Variants in CCSER1 observed in about 807,000 individuals in gnomAD.
The protein encoded by CCSER1 is serine-rich coiled-coil domain-containing protein 1.
A neutral mutation model predicts 82.0 loss-of-function variants in CCSER1; 41 were observed. The observed-to-expected ratio is 0.50, with a 90% CI of 0.39 to 0.65. The LOEUF (loss-of-function observed/expected upper bound fraction) is 0.65, where lower values mean the gene tolerates loss of function less well. Among genes scored for constraint, CCSER1 ranks in the 30% least tolerant of loss-of-function variants. The pLI is 0.00. For missense variants in CCSER1, 1,119 were observed against 1,064.2 expected, an observed-to-expected ratio of 1.05 and a Z score of -0.72; for synonymous variants, 414 against 383.9, an observed-to-expected ratio of 1.08 and a Z score of -0.92.
chr4:91,196,178 CAAAAAAAAAAA>C (rs61336014), intron 10 of CCSER1, among the ~76,000 whole-genome samples: 1 of 60,824 alleles, frequency 1.6e-5, no homozygotes, highest in Non-Finnish European at 4.3e-5. Flanking sequence ...AACAGCGAGA[CAAAAAAAAAAA>C]AAAAAAAAGA....
chr4:90,583,903 T>G (rs1300144338), intron 5 of CCSER1, among the ~76,000 whole-genome samples: 2 of 152,150 alleles, frequency 1.3e-5, no homozygotes, highest in African/African-American at 2.4e-5. Flanking sequence ...TATGCAGCAA[T>G]TTAATTTTAA....
At chr4:90,971,384 A>G (rs1443521025) in intron 9 of CCSER1, among the ~76,000 whole-genome samples, 7 of 151,956 alleles carry the variant, frequency 4.6e-5, no homozygotes, top group Non-Finnish European at 1.0e-4. Flanking sequence ...TCACAAGAAT[A>G]GCAAGGGAGA....
intron 10 of CCSER1, among the ~76,000 whole-genome samples, chr4:91,503,643 CCCGG>C (rs1759337382): frequency 1.2e-4 from 18 of 151,990 alleles, no homozygotes; most frequent in Admixed American, 1.2e-3. Context: ...TACTCATAAG[CCCGG>C]AACACAAAGG....
chr4:91,530,295 C>T (rs925156294), intron 10 of CCSER1, among the ~76,000 whole-genome samples: 4 of 151,906 alleles, frequency 2.6e-5, no homozygotes, highest in African/African-American at 7.2e-5. Context: ...ATTTAGATTA[C>T]ATTTATATAG....
At chr4:91,148,293 T>G (rs1202079419) in intron 10 of CCSER1, among the ~76,000 whole-genome samples, 1 of 152,162 alleles carries the variant, frequency 6.6e-6, no homozygotes, top group East Asian at 1.9e-4. Flanking sequence ...GACTCATTTA[T>G]TCATTGAACA....
intron 10 of CCSER1, among the ~76,000 whole-genome samples, chr4:91,293,511 T>C (rs563677571): frequency 6.6e-6 from 1 of 152,138 alleles, no homozygotes. Flanking sequence ...ACCACTGCTT[T>C]TGTTTCAATT....
At chr4:90,426,817 A>G (rs1280526576) in intron 4 of CCSER1, among the ~76,000 whole-genome samples, 4 of 152,118 alleles carry the variant, frequency 2.6e-5, no homozygotes, top group African/African-American at 4.8e-5. Flanking sequence ...TGATAGCTCT[A>G]TGAATTGGGA....
intron 10 of CCSER1, among the ~76,000 whole-genome samples, chr4:91,533,435 T>A (rs957075605): frequency 1.3e-5 from 2 of 152,178 alleles, no homozygotes; most frequent in African/African-American, 4.8e-5. Flanking sequence ...TGGAGTTTCT[T>A]CTTTATCCTT....
chr4:90,533,398 C>T (rs1341018175), intron 5 of CCSER1, among the ~76,000 whole-genome samples: 3 of 152,134 alleles, frequency 2.0e-5, no homozygotes, highest in African/African-American at 2.4e-5. Context: ...CCTGGCCTCT[C>T]TCTGTTTTAT....
intron 9 of CCSER1, among the ~76,000 whole-genome samples, chr4:90,998,888 C>T (rs901147237): frequency 2.8e-4 from 43 of 152,256 alleles, no homozygotes; most frequent in African/African-American, 1.0e-3. Flanking sequence ...TCCCTCCCTC[C>T]CTCCATGCCC....
At chr4:90,586,835 A>C (rs750374640) in intron 5 of CCSER1, among the ~76,000 whole-genome samples, 1 of 152,238 alleles carries the variant, frequency 6.6e-6, no homozygotes, top group Non-Finnish European at 1.5e-5. Context: ...TGCTGATATG[A>C]TGCTGTAGTA....
At chr4:91,105,298 C>T (rs906773754) in intron 10 of CCSER1, among the ~76,000 whole-genome samples, 1 of 151,772 alleles carries the variant, frequency 6.6e-6, no homozygotes, top group Non-Finnish European at 1.5e-5. Context: ...CTGTTTCCCT[C>T]AAAAAAAGGG....
chr4:90,555,494 G>T (rs1296010599), intron 5 of CCSER1, among the ~76,000 whole-genome samples: 1 of 152,060 alleles, frequency 6.6e-6, no homozygotes, highest in South Asian at 2.1e-4. Context: ...TTTGCTATTT[G>T]TGATTAAATT....
chr4:90,277,296 T>G (rs1210253607), intron 1 of CCSER1, among the ~76,000 whole-genome samples: 1 of 152,120 alleles, frequency 6.6e-6, no homozygotes, highest in Non-Finnish European at 1.5e-5. Context: ...TTAACAGAAG[T>G]AGAGAAAACT....
At chr4:90,364,764 A>G (rs1312438037) in intron 3 of CCSER1, among the ~76,000 whole-genome samples, 1 of 152,024 alleles carries the variant, frequency 6.6e-6, no homozygotes, top group Non-Finnish European at 1.5e-5. Context: ...AGTAAAAGGC[A>G]GTTAATGCCT....
At position 91,603,706 on chromosome 4, in the gene CCSER1, T is replaced by C. The variant is rs570176855; in HGVS notation, c.*4649T>C. On this transcript the variant is annotated 3_prime_UTR_variant, in exon 11 of 11. Transcript: ENST00000509176. ...TCATTCTTTCCAAACATTACCTCTT[T>C]AGTAAATTCGGGTTGCTATAACAAA... 6.6e-6 allele frequency: 1 copy of C among 152,236 alleles called. No homozygotes were observed. Among genetic ancestry groups the C allele is most frequent in the Non-Finnish European group, 1.5e-5 (1 of 68,012 alleles). The allele number at this position is 152,236 out of a possible 1,614,324, so 9.4% of individuals were successfully genotyped here. A position where few individuals can be genotyped will look rare whatever the true frequency, so the allele number is the denominator to read the frequency against.
At chr4:90,759,909 A>G (rs13126274) in intron 7 of CCSER1, among the ~76,000 whole-genome samples, 12,674 of 152,206 alleles carry the variant, frequency 0.083, 596 homozygotes, top group South Asian at 0.13. Context: ...AGAAAATTGT[A>G]TACATATAGT....
At chr4:90,893,760 T>C (rs73834577) in intron 8 of CCSER1, among the ~76,000 whole-genome samples, 1 of 124,926 alleles carries the variant, frequency 8.0e-6, no homozygotes, top group African/African-American at 3.9e-5. Flanking sequence ...AATTCTTGTG[T>C]GTGTGTGTGT....
chr4:91,186,214 A>T (rs1315488083), intron 10 of CCSER1, among the ~76,000 whole-genome samples: 1 of 152,206 alleles, frequency 6.6e-6, no homozygotes, highest in Non-Finnish European at 1.5e-5. Flanking sequence ...ACAGAAGGGT[A>T]GGGATGAACC....
Sources: allele counts gnomAD v4.1 joint callset (sites outside exome capture counted in the v4.1 genomes callset), GRCh38; gene constraint gnomAD v4.1.1; transcripts MANE v1.5; gene names NCBI Gene and HGNC (gene_info 2026-07-23, HGNC 2026-07-21).